RYR2: variants seen among roughly 807,000 people sequenced by gnomAD.
The protein encoded by RYR2 is cardiac muscle ryanodine receptor-calcium release channel.
RYR2 carries 227 observed loss-of-function variants against 601.1 expected under a neutral mutation model. That is an observed-to-expected ratio of 0.38 (90% CI 0.34 to 0.42). RYR2 has a LOEUF of 0.42. Ranked by LOEUF, RYR2 falls within the 10% of genes least tolerant of loss-of-function variation. RYR2 has a pLI of 1.00. For synonymous variants in RYR2, 2,223 were observed against 2,175.1 expected (o/e 1.02, Z -0.61); for missense variants, 4,646 against 6,156.5 (o/e 0.75, Z 8.21).
chr1:237,592,888 G>C (rs1294443428), intron 32 of RYR2, among the ~76,000 whole-genome samples: 1 of 151,692 alleles, frequency 6.6e-6, no homozygotes, highest in Non-Finnish European at 1.5e-5. Context: ...GGGTGTCGTT[G>C]TGCACACCTG....
chr1:237,609,577 C>T (rs1677588697), intron 35 of RYR2, among the ~76,000 whole-genome samples: 1 of 151,964 alleles, frequency 6.6e-6, no homozygotes, highest in Non-Finnish European at 1.5e-5. Flanking sequence ...GTGGGCCAGG[C>T]TGGTCTTGTA....
chr1:237,771,882 A>G (rs1694299696), intron 85 of RYR2, 130 bp from the exon 86 acceptor site: 1 of 613,504 alleles, frequency 1.6e-6, no homozygotes, highest in African/African-American at 1.9e-5. Flanking sequence ...TCATAGTAAA[A>G]CTATTAGATA....
At chr1:237,472,748 A>G (rs1660874970) in intron 17 of RYR2, among the ~76,000 whole-genome samples, 1 of 152,010 alleles carries the variant, frequency 6.6e-6, no homozygotes, top group Non-Finnish European at 1.5e-5. Context: ...AGGGGCAAAA[A>G]CCCTGTGTAA....
chr1:237,129,348 G>GA (rs1671898856), intron 1 of RYR2, among the ~76,000 whole-genome samples: 1 of 152,170 alleles, frequency 6.6e-6, no homozygotes, highest in Non-Finnish European at 1.5e-5. Context: ...TAAAGTCTTT[G>GA]AAAAAATCTA....
intron 71 of RYR2, among the ~76,000 whole-genome samples, chr1:237,714,623 A>G (rs2149090628): frequency 6.6e-6 from 1 of 152,220 alleles, no homozygotes; most frequent in East Asian, 1.9e-4. Context: ...TCATATTTGT[A>G]TGTTTGTGGG....
At position 237,503,495 on chromosome 1, in the gene RYR2, A is replaced by G. The variant is rs1272250863; in HGVS notation, c.2603A>G (p.Asp868Gly). Residue 868 changes from aspartate (D) to glycine (G), a missense_variant, in exon 22 of 105, where the codon GAT (aspartate) becomes GGT (glycine). Asp to Gly is a moderately conservative substitution (Grantham distance 94). Around this residue, in one of 17 missense-constraint regions of RYR2, gnomAD observed 1,807 missense variants for 2,088.1 expected, o/e 0.87. Coordinates refer to ENST00000366574, the MANE Select transcript of RYR2 (RefSeq NM_001035.3). Reference protein sequence around the residue: ...TQAAFTPIPVDTSQIVLPPHL... With the variant: ...TQAAFTPIPVGTSQIVLPPHL... ...GCTGCCTTCACACCCATCCCTGTGGATACCAGCCAGGTACCAAGATCCACT... is the reference window on the plus strand; with the variant it reads ...GCTGCCTTCACACCCATCCCTGTGGGTACCAGCCAGGTACCAAGATCCACT... 5.6e-6 allele frequency: 9 copies of G among 1,613,322 alleles called. No individual in the cohort carries two copies. Among genetic ancestry groups the G allele is most frequent in the Non-Finnish European group, 7.6e-6 (9 of 1,179,488 alleles).
Position 237,792,281 on chromosome 1 carries a change from G to C in RYR2, c.13740G>C (p.Thr4580=). 1 of 1,612,242 alleles carries C rather than the reference G, an allele frequency of 6.2e-7. No homozygotes were observed. Among genetic ancestry groups the C allele is most frequent in the South Asian group, 1.1e-5 (1 of 91,010 alleles). ...TGCGTATCTTAGCTATTCTGCACAC[G>C]GTCATTTCTTTCTTCTGCATCATTG... ...PTLRILAILH[T]VISFFCIIGY... Residue 4580 remains threonine, a synonymous_variant, in exon 94 of 105, where the codon ACG becomes ACC. Transcript: ENST00000366574.
At chr1:237,732,012 A>C (rs531138640) in intron 77 of RYR2, 34 bp from the exon 78 acceptor site, 13 of 1,370,560 alleles carry the variant, frequency 9.5e-6, no homozygotes, top group Non-Finnish European at 1.0e-5. Flanking sequence ...ATTTTTTTTT[A>C]ATGTGACATT....
intron 92 of RYR2, 103 bp from the exon 93 acceptor site, chr1:237,791,326 C>A (rs1389975012): frequency 4.3e-6 from 3 of 695,210 alleles, no homozygotes; most frequent in East Asian, 2.7e-5. Context: ...AGTAGGCTTG[C>A]GATCAATTGT....
intron 1 of RYR2, among the ~76,000 whole-genome samples, chr1:237,232,082 T>C (rs1157270212): frequency 6.6e-6 from 1 of 152,230 alleles, no homozygotes; most frequent in Non-Finnish European, 1.5e-5. Context: ...GTAAAATACA[T>C]ACTTGGTGTT....
chr1:237,222,406 C>A (rs560215022), intron 1 of RYR2, among the ~76,000 whole-genome samples: 8 of 129,714 alleles, frequency 6.2e-5, no homozygotes, highest in South Asian at 5.5e-4. Flanking sequence ...GATTGAGACT[C>A]CATCTCAAAA....
chr1:237,517,972 T>C (rs1467218326), intron 24 of RYR2, among the ~76,000 whole-genome samples: 1 of 152,208 alleles, frequency 6.6e-6, no homozygotes, highest in Non-Finnish European at 1.5e-5. Context: ...TCAGTGTCCT[T>C]CTCTTGTTGT....
chr1:237,092,914 T>C (rs1238611369), intron 1 of RYR2, among the ~76,000 whole-genome samples: 1 of 152,166 alleles, frequency 6.6e-6, no homozygotes, highest in Non-Finnish European at 1.5e-5. Context: ...CATAGCAGAA[T>C]TGCCTTCTCC....
chr1:237,441,456 C>CAATTTTTCCTAA lies in RYR2; in HGVS notation c.1143_1144insAATTTTTCCTAA (p.Ser381_Val382insAsnPheSerTer). 1 of 1,594,352 alleles carries CAATTTTTCCTAA rather than the reference C, an allele frequency of 6.3e-7. No individual in the cohort carries two copies. The highest frequency in any genetic ancestry group is 8.6e-7 in the Non-Finnish European group (1 of 1,168,714). On this transcript the variant is annotated stop_gained and inframe_insertion, in exon 13 of 105. Coordinates refer to ENST00000366574, the MANE Select transcript of RYR2 (RefSeq NM_001035.3). LOFTEE classifies it high-confidence loss of function. ...CTTACCAGTCTGTGGACGTGAAATCCGTGAGAATGGGATCTATACAACGTA... is the reference window on the plus strand; with the variant it reads ...CTTACCAGTCTGTGGACGTGAAATCCAATTTTTCCTAAGTGAGAATGGGATCTATACAACGTA...
At chr1:237,493,619 AT>A (rs1186361856) in intron 19 of RYR2, among the ~76,000 whole-genome samples, 1 of 151,708 alleles carries the variant, frequency 6.6e-6, no homozygotes, top group South Asian at 2.1e-4. Flanking sequence ...CGCCTGGCTA[AT>A]TTTTTGTATT....
chr1:237,524,960 G>T (rs1667427988), intron 24 of RYR2, among the ~76,000 whole-genome samples: 1 of 151,976 alleles, frequency 6.6e-6, no homozygotes, highest in African/African-American at 2.4e-5. Context: ...ACATGTGCGT[G>T]TTTGTAACAT....
intron 72 of RYR2, among the ~76,000 whole-genome samples, chr1:237,717,855 C>T (rs1558280609): frequency 6.6e-6 from 1 of 152,176 alleles, no homozygotes; most frequent in Non-Finnish European, 1.5e-5. Flanking sequence ...TTCTGTTCTT[C>T]ATAGCTATGC....
intron 27 of RYR2, among the ~76,000 whole-genome samples, chr1:237,565,159 C>T (rs754150131): frequency 0.36 from 16,605 of 45,956 alleles, 2,131 homozygotes; most frequent in South Asian, 0.45. Context: ...CTTTCTTTCT[C>T]TTTCTTTCTT....
chr1:237,132,230 G>T (rs140230356), intron 1 of RYR2, among the ~76,000 whole-genome samples: 1 of 152,318 alleles, frequency 6.6e-6, no homozygotes, highest in Non-Finnish European at 1.5e-5. Context: ...CTATAGCGGG[G>T]CCTGTGTGGA....
Sources: gnomAD v4.1 joint callset for allele counts (sites outside exome capture counted in the v4.1 genomes callset) on GRCh38, gnomAD v4.1.1 for gene constraint, gnomAD v4.1.1 regional missense constraint, MANE v1.5 for transcripts, NCBI Gene and HGNC (gene_info 2026-07-23, HGNC 2026-07-21) for gene names.